Variants in SUGCT observed in about 807,000 individuals in gnomAD.
The protein encoded by SUGCT is succinyl-CoA:glutarate-CoA transferase.
A neutral mutation model predicts 55.0 loss-of-function variants in SUGCT; 41 were observed. The ratio of observed to expected loss-of-function variants is 0.74; its 90% CI spans 0.58 to 0.97. SUGCT has a LOEUF of 0.97. Among genes scored for constraint, SUGCT ranks in the 50% least tolerant of loss-of-function variants. The pLI, the probability that SUGCT is intolerant of heterozygous loss-of-function variation, is 0.00. For synonymous variants in SUGCT, 187 were observed against 200.4 expected (o/e 0.93, Z 0.56); for missense variants, 568 against 547.8 (o/e 1.04, Z -0.37).
At chr7:40,758,912 T>C (rs929348846) in intron 13 of SUGCT, among the ~76,000 whole-genome samples, 1 of 152,148 alleles carries the variant, frequency 6.6e-6, no homozygotes, top group Non-Finnish European at 1.5e-5. Context: ...GAAATGTTCC[T>C]AAGAGCTCTA....
At chr7:40,499,290 G>T in intron 12 of SUGCT, 1 of 274,608 alleles carries the variant, frequency 3.6e-6, no homozygotes, top group African/African-American at 2.3e-5. Flanking sequence ...ACTCAGTAAC[G>T]GCAGAAAAAT....
intron 12 of SUGCT, among the ~76,000 whole-genome samples, chr7:40,647,005 T>C (rs968545315): frequency 6.6e-6 from 1 of 152,228 alleles, no homozygotes; most frequent in Non-Finnish European, 1.5e-5. Context: ...CGCTGTGCTC[T>C]GTACACACTG....
intron 9 of SUGCT, among the ~76,000 whole-genome samples, chr7:40,325,898 C>CTTTTTTTT (rs71560191): frequency 2.5e-5 from 3 of 122,210 alleles, no homozygotes; most frequent in East Asian, 3.6e-4. Flanking sequence ...GGATGTGCGT[C>CTTTTTTTT]TTTTTTTTTT....
At chr7:40,973,020 G>C in the SUGCT span, among the ~76,000 whole-genome samples, 2 of 152,292 alleles carry the variant, frequency 1.3e-5, no homozygotes, top group African/African-American at 4.8e-5. Flanking sequence ...TGCTTTTCCG[G>C]AGATATGTCT....
chr7:40,844,044 ACT>A, intron 13 of SUGCT, among the ~76,000 whole-genome samples: 2 of 151,876 alleles, frequency 1.3e-5, no homozygotes, highest in Non-Finnish European at 2.9e-5. Flanking sequence ...GCAAATCAAC[ACT>A]GGAACCAGCC....
At chr7:40,249,346 T>TATATATATATATATATAA (rs1219733878) in intron 7 of SUGCT, among the ~76,000 whole-genome samples, 2 of 129,826 alleles carry the variant, frequency 1.5e-5, no homozygotes, top group African/African-American at 6.1e-5. Context: ...TATATATATA[T>TATATATATATATATATAA]AATTATATTA....
the SUGCT span, among the ~76,000 whole-genome samples, chr7:40,877,871 A>G: frequency 6.6e-6 from 1 of 152,246 alleles, no homozygotes; most frequent in African/African-American, 2.4e-5. Context: ...CATGGTGACA[A>G]AACCAGACAT....
chr7:40,216,435 G>A (rs1031391395), intron 6 of SUGCT, among the ~76,000 whole-genome samples: 7 of 150,066 alleles, frequency 4.7e-5, no homozygotes, highest in African/African-American at 1.7e-4. Context: ...GGGAGGAGGA[G>A]GTTGTAGTGA....
At chr7:40,254,942 G>A (rs926296647) in intron 7 of SUGCT, among the ~76,000 whole-genome samples, 1 of 151,532 alleles carries the variant, frequency 6.6e-6, no homozygotes, top group African/African-American at 2.4e-5. Flanking sequence ...ATGTTGGCTG[G>A]GCGCGGTGGC....
intron 6 of SUGCT, among the ~76,000 whole-genome samples, chr7:40,195,496 C>T (rs1786211377): frequency 1.3e-5 from 2 of 151,802 alleles, no homozygotes; most frequent in South Asian, 4.2e-4. Flanking sequence ...GCTGGGATTA[C>T]AGGCGTGAGC....
At chr7:40,772,183 G>A (rs1289051862) in intron 13 of SUGCT, among the ~76,000 whole-genome samples, 2 of 152,102 alleles carry the variant, frequency 1.3e-5, no homozygotes, top group Admixed American at 6.6e-5. Context: ...CCAAAAGTCT[G>A]TAGGAGTAGG....
intron 9 of SUGCT, among the ~76,000 whole-genome samples, chr7:40,321,501 G>A (rs1584675655): frequency 6.6e-6 from 1 of 152,080 alleles, no homozygotes; most frequent in East Asian, 1.9e-4. Context: ...TCCTGACTCA[G>A]CCTCCCGAGT....
chr7:40,796,867 TG>T (rs1394168394), intron 13 of SUGCT, among the ~76,000 whole-genome samples: 1 of 152,204 alleles, frequency 6.6e-6, no homozygotes, highest in East Asian at 1.9e-4. Flanking sequence ...CCTGAGGCAG[TG>T]CCCAAAAGAG....
intron 12 of SUGCT, among the ~76,000 whole-genome samples, chr7:40,515,010 C>A (rs573862270): frequency 1.2e-3 from 179 of 152,146 alleles, no homozygotes; most frequent in Non-Finnish European, 2.0e-3. Context: ...TCAATAATTA[C>A]ATCTTATATA....
intron 12 of SUGCT, among the ~76,000 whole-genome samples, chr7:40,581,525 C>G (rs997251129): frequency 1.3e-5 from 2 of 152,022 alleles, no homozygotes; most frequent in African/African-American, 2.4e-5. Flanking sequence ...TTAATTTTTC[C>G]CTAAAATACA....
At chr7:40,886,765 G>T in the SUGCT span, among the ~76,000 whole-genome samples, 1 of 152,190 alleles carries the variant, frequency 6.6e-6, no homozygotes, top group African/African-American at 2.4e-5. Context: ...TTGGTATGCA[G>T]TAAGCATCCC....
chr7:40,836,687 T>C (rs1056311831), intron 13 of SUGCT, among the ~76,000 whole-genome samples: 1 of 152,238 alleles, frequency 6.6e-6, no homozygotes, highest in Non-Finnish European at 1.5e-5. Flanking sequence ...AAGAATGTTG[T>C]ATAAATTGAT....
the SUGCT span, among the ~76,000 whole-genome samples, chr7:40,931,175 A>C: frequency 2.0e-5 from 3 of 152,226 alleles, no homozygotes; most frequent in Non-Finnish European, 4.4e-5. Context: ...ATCTATTAAG[A>C]TAATCATGTG....
chr7:40,257,107 C>T (rs529453325), intron 7 of SUGCT, among the ~76,000 whole-genome samples: 1 of 151,932 alleles, frequency 6.6e-6, no homozygotes, highest in Non-Finnish European at 1.5e-5. Flanking sequence ...TGCAGTGGTG[C>T]GATCTTGGTT....
Sources: gnomAD v4.1 joint callset for allele counts (sites outside exome capture counted in the v4.1 genomes callset) on GRCh38, gnomAD v4.1.1 for gene constraint, MANE v1.5 for transcripts, NCBI Gene and HGNC (gene_info 2026-07-23, HGNC 2026-07-21) for gene names.